VAV2: variants seen among roughly 807,000 people sequenced by gnomAD.
VAV2 encodes guanine nucleotide exchange factor VAV2.
In VAV2, 67 loss-of-function variants were observed where a neutral mutation model predicts 132.5. The ratio of observed to expected loss-of-function variants is 0.51; its 90% CI spans 0.42 to 0.62. The LOEUF (loss-of-function observed/expected upper bound fraction) is 0.62. VAV2 is among the 20% of genes least tolerant of loss of function. The pLI is 0.00. For synonymous variants in VAV2, 492 were observed against 443.5 expected (o/e 1.11, Z -1.37); for missense variants, 938 against 1,153.6 (o/e 0.81, Z 2.71).
At chr9:133,821,364 G>A (rs1401522417) in intron 4 of VAV2, among the ~76,000 whole-genome samples, 3 of 152,332 alleles carry the variant, frequency 2.0e-5, no homozygotes, top group South Asian at 2.1e-4. Context: ...GGGAGGCAGC[G>A]AGGGAAACTA....
At chr9:133,771,638 G>C (rs1259399921) in intron 26 of VAV2, among the ~76,000 whole-genome samples, 1 of 152,178 alleles carries the variant, frequency 6.6e-6, no homozygotes, top group Non-Finnish European at 1.5e-5. Flanking sequence ...AGCCCCACTG[G>C]GCGTCAGTTT....
intron 3 of VAV2, among the ~76,000 whole-genome samples, chr9:133,850,343 T>C (rs1163814692): frequency 6.6e-6 from 1 of 152,216 alleles, no homozygotes; most frequent in Non-Finnish European, 1.5e-5. Flanking sequence ...TGTGTTCACC[T>C]GCACGTGACC....
chr9:133,909,456 C>G (rs1459229274), intron 2 of VAV2, among the ~76,000 whole-genome samples: 13 of 152,224 alleles, frequency 8.5e-5, no homozygotes, highest in Admixed American at 7.9e-4. Flanking sequence ...CTGCAGCAAA[C>G]AAAGCCTGGA....
In VAV2 at chr9:133,918,450, G is replaced by C. The variant is rs1250839666; in HGVS notation, c.321+20653C>G. ...AACCCAGGCCAGGGGCCCTGGAAAG[G>C]CGGCAGACTCCTTCTCGGTGGCACC... On this transcript the variant is annotated intron_variant, in intron 2 of 29. Transcript: ENST00000371850. This position sits in a 1 kb window ranked among gnomAD's most constrained non-coding sequence, Gnocchi z 4.7. 1.3e-5 allele frequency among the ~76,000 whole-genome samples: 2 copies of C among 151,880 alleles called. No individual in the cohort carries two copies. The highest frequency in any genetic ancestry group is 1.3e-4 in the Admixed American group (2 of 15,262).
chr9:133,933,884 TGATG>T (rs1157443195), intron 2 of VAV2, among the ~76,000 whole-genome samples: 1 of 19,598 alleles, frequency 5.1e-5, no homozygotes, highest in African/African-American at 9.7e-5. Context: ...GATGGATGAA[TGATG>T]GATGGATGGA....
At chr9:133,947,904 C>T (rs1256569564) in intron 1 of VAV2, among the ~76,000 whole-genome samples, 1 of 151,908 alleles carries the variant, frequency 6.6e-6, no homozygotes, top group African/African-American at 2.4e-5. Context: ...ATTCTCCCGC[C>T]TCAGCCTCCC....
chr9:133,924,379 GT>G (rs1840399289), intron 2 of VAV2, among the ~76,000 whole-genome samples: 1 of 152,134 alleles, frequency 6.6e-6, no homozygotes, highest in Non-Finnish European at 1.5e-5. Flanking sequence ...TAGAGATGGG[GT>G]TTTGCCATAT....
At chr9:133,815,531 T>A (rs760424866) in intron 4 of VAV2, among the ~76,000 whole-genome samples, 1 of 152,162 alleles carries the variant, frequency 6.6e-6, no homozygotes, top group Non-Finnish European at 1.5e-5. Flanking sequence ...CTGTAGAATG[T>A]CAACGGTGTT....
intron 3 of VAV2, among the ~76,000 whole-genome samples, chr9:133,851,005 T>C (rs1272142028): frequency 6.6e-6 from 1 of 152,234 alleles, no homozygotes; most frequent in African/African-American, 2.4e-5. Flanking sequence ...GCAGGTGTGA[T>C]GCTCTGGAGC....
At chr9:133,858,883 C>T (rs144016581) in intron 3 of VAV2, among the ~76,000 whole-genome samples, 130 of 152,334 alleles carry the variant, frequency 8.5e-4, no homozygotes, top group Non-Finnish European at 1.6e-3. Flanking sequence ...CAGTCCCAGT[C>T]CAGGGGGCCA....
At position 133,776,063 on chromosome 9, in the gene VAV2, C is replaced by G; in HGVS notation, c.1983G>C (p.Pro661=). The G allele has an allele frequency of 1.2e-6, 2 of 1,613,042 alleles. No homozygotes were observed. Among genetic ancestry groups the G allele is most frequent in the Non-Finnish European group, 1.7e-6 (2 of 1,179,692 alleles). ...PVDGRPPISR[P]PSREIDYTAY... ...CAGTGTAGTCGATCTCCCGGGATGG[C>G]GGCCGGCTGATGGGCGGCTGGTGGC... Residue 661 remains proline (P), a synonymous_variant, in exon 24 of 30, where the codon CCG becomes CCC. Transcript: ENST00000371850.
intron 9 of VAV2, among the ~76,000 whole-genome samples, chr9:133,799,946 CCT>C (rs1286417624): frequency 6.6e-6 from 1 of 152,130 alleles, no homozygotes; most frequent in Non-Finnish European, 1.5e-5. Flanking sequence ...TTTTCTCCAC[CCT>C]GAGAGAATGG....
At chr9:133,864,309 C>T (rs1837715151) in intron 2 of VAV2, among the ~76,000 whole-genome samples, 1 of 152,232 alleles carries the variant, frequency 6.6e-6, no homozygotes, top group Non-Finnish European at 1.5e-5. Flanking sequence ...AACGACCAGG[C>T]ATGCTGGGGA....
At chr9:133,890,048 G>A (rs951139077) in intron 2 of VAV2, among the ~76,000 whole-genome samples, 16 of 152,204 alleles carry the variant, frequency 1.1e-4, no homozygotes, top group Admixed American at 2.0e-4. Context: ...GGCACACTCC[G>A]GGAGGCTATG....
At chr9:133,920,941 C>T (rs1375494850) in intron 2 of VAV2, among the ~76,000 whole-genome samples, 1 of 152,230 alleles carries the variant, frequency 6.6e-6, no homozygotes, top group Non-Finnish European at 1.5e-5. Flanking sequence ...GAGTGCCCTC[C>T]GTGGGGGGCC....
intron 2 of VAV2, among the ~76,000 whole-genome samples, chr9:133,932,378 G>A (rs552321790): frequency 1.1e-4 from 16 of 152,268 alleles, no homozygotes; most frequent in Admixed American, 6.5e-4. Context: ...CGCCCACCCC[G>A]GGCAGCACAG....
chr9:133,991,110 G>A lies in VAV2; in HGVS notation c.204+965C>T, dbSNP rs543083112. 4.8e-4 allele frequency among the ~76,000 whole-genome samples: 73 copies of A among 152,252 alleles called. No individual in the cohort carries two copies. Among genetic ancestry groups the A allele is most frequent in the African/African-American group, 1.7e-3 (70 of 41,546 alleles). ...CCTCTCCACATGGAGTTGCCACTGC[G>A]CGCGGTGAGGGGCTGCTGAGCTGGC... is the stretch of plus-strand genomic sequence containing the variant. On this transcript the variant is annotated intron_variant, in intron 1 of 29. Transcript: ENST00000371850. The surrounding 1 kb of genome is among the most constrained non-coding windows in gnomAD (Gnocchi z 4.8).
intron 19 of VAV2, 49 bp downstream of exon 19, chr9:133,783,454 G>T: frequency 3.8e-6 from 6 of 1,569,624 alleles, no homozygotes; most frequent in Non-Finnish European, 5.2e-6. Context: ...GGGCAGAAGT[G>T]AGCAGGCGTG....
At chr9:133,916,130 A>G (rs974072855) in intron 2 of VAV2, among the ~76,000 whole-genome samples, 1 of 152,258 alleles carries the variant, frequency 6.6e-6, no homozygotes, top group African/African-American at 2.4e-5. Context: ...AAACGGGCAC[A>G]GGCCACGGCT....
Sources: allele counts gnomAD v4.1 joint callset (sites outside exome capture counted in the v4.1 genomes callset), GRCh38; gene constraint gnomAD v4.1.1; non-coding constraint Gnocchi (gnomAD v3.1); transcripts MANE v1.5; gene names NCBI Gene and HGNC (gene_info 2026-07-23, HGNC 2026-07-21).